Variants in SLC4A10 observed in about 807,000 individuals in gnomAD.
SLC4A10 encodes sodium-driven chloride bicarbonate exchanger.
Under a neutral mutation model 137.7 loss-of-function variants are expected in SLC4A10, and 42 were observed. The observed-to-expected ratio is 0.30, with a 90% CI of 0.24 to 0.39. The LOEUF is 0.39. Among genes scored for constraint, SLC4A10 ranks in the 10% least tolerant of loss-of-function variants. The probability of loss-of-function intolerance (pLI) is 1.00; values close to 1 mark genes in which losing one functional copy is unlikely to be tolerated. For missense variants in SLC4A10, 925 were observed against 1,355.0 expected (o/e 0.68, Z 4.98); for synonymous variants, 474 against 464.1 (o/e 1.02, Z -0.27).
chr2:161,654,197 C>A (rs1374143173), intron 1 of SLC4A10, among the ~76,000 whole-genome samples: 1 of 152,162 alleles, frequency 6.6e-6, no homozygotes, highest in African/African-American at 2.4e-5. Context: ...AGTACCTCTT[C>A]AAGTCTTTAG....
intron 1 of SLC4A10, among the ~76,000 whole-genome samples, chr2:161,756,488 G>C (rs567479336): frequency 3.9e-5 from 6 of 152,182 alleles, no homozygotes; most frequent in African/African-American, 1.4e-4. Context: ...GTAATTTCTT[G>C]CTCATACTAC....
At chr2:161,779,783 G>T (rs1027688788) in intron 2 of SLC4A10, among the ~76,000 whole-genome samples, 11 of 151,832 alleles carry the variant, frequency 7.2e-5, no homozygotes, top group Non-Finnish European at 1.5e-4. Flanking sequence ...TGGCCTTTGA[G>T]CTAAGAATAA....
At chr2:161,919,902 C>A (rs1327759703) in intron 15 of SLC4A10, among the ~76,000 whole-genome samples, 1 of 152,192 alleles carries the variant, frequency 6.6e-6, no homozygotes, top group African/African-American at 2.4e-5. Context: ...CTCTTTGGGG[C>A]TCTGCAGTTC....
At chr2:161,972,643 G>T (rs1157008098) in intron 23 of SLC4A10, among the ~76,000 whole-genome samples, 1 of 152,184 alleles carries the variant, frequency 6.6e-6, no homozygotes, top group Non-Finnish European at 1.5e-5. Context: ...GAATGCAAAA[G>T]GGTAATGTAC....
intron 1 of SLC4A10, among the ~76,000 whole-genome samples, chr2:161,720,653 G>A (rs976391400): frequency 2.0e-5 from 3 of 151,816 alleles, no homozygotes; most frequent in South Asian, 2.1e-4. Flanking sequence ...TGTCTTTTTC[G>A]ATCTTTGTTG....
chr2:161,886,671 T>A (rs2062325156), intron 10 of SLC4A10, among the ~76,000 whole-genome samples: 1 of 152,188 alleles, frequency 6.6e-6, no homozygotes, highest in Non-Finnish European at 1.5e-5. Flanking sequence ...CTCTGAGATT[T>A]TTTTTAATTG....
At chr2:161,970,177 A>T (rs909439177) in intron 23 of SLC4A10, among the ~76,000 whole-genome samples, 13 of 152,224 alleles carry the variant, frequency 8.5e-5, no homozygotes, top group Non-Finnish European at 1.3e-4. Flanking sequence ...ATACTCTATC[A>T]GAATTTTTTA....
chr2:161,689,366 A>G (rs1391689108), intron 1 of SLC4A10, among the ~76,000 whole-genome samples: 2 of 152,122 alleles, frequency 1.3e-5, no homozygotes, highest in African/African-American at 4.8e-5. Flanking sequence ...CATTTTTTAT[A>G]TCATATTTTT....
intron 1 of SLC4A10, among the ~76,000 whole-genome samples, chr2:161,725,928 T>C (rs1360554499): frequency 6.6e-6 from 1 of 152,242 alleles, no homozygotes; most frequent in Non-Finnish European, 1.5e-5. Context: ...ATTTACCATG[T>C]ATAACATTTA....
At chr2:161,979,973 C>T (rs919769487) in intron 26 of SLC4A10, among the ~76,000 whole-genome samples, 11 of 152,142 alleles carry the variant, frequency 7.2e-5, no homozygotes, top group Non-Finnish European at 1.0e-4. Flanking sequence ...TAAGAACTAA[C>T]GGCAAATTCT....
At chr2:161,849,998 G>A (rs949921171) in intron 4 of SLC4A10, among the ~76,000 whole-genome samples, 1 of 151,012 alleles carries the variant, frequency 6.6e-6, no homozygotes. Context: ...GAATTTGGCT[G>A]TGACTCCATC....
intron 15 of SLC4A10, among the ~76,000 whole-genome samples, chr2:161,935,240 T>A (rs1691366457): frequency 6.6e-6 from 1 of 152,178 alleles, no homozygotes; most frequent in Non-Finnish European, 1.5e-5. Flanking sequence ...TTCACTGGCC[T>A]CTGTGTCTAT....
intron 5 of SLC4A10, among the ~76,000 whole-genome samples, chr2:161,861,797 T>A (rs913576776): frequency 6.6e-6 from 1 of 152,176 alleles, no homozygotes; most frequent in Non-Finnish European, 1.5e-5. Context: ...ATAAGGACAC[T>A]TAGGTTATTC....
At chr2:161,690,915 A>G (rs1427071181) in intron 1 of SLC4A10, among the ~76,000 whole-genome samples, 1 of 152,158 alleles carries the variant, frequency 6.6e-6, no homozygotes, top group Non-Finnish European at 1.5e-5. Context: ...ACAAACCTGC[A>G]TGTCCTGTAC....
At chr2:161,868,018 T>C (rs1248580058) in intron 6 of SLC4A10, among the ~76,000 whole-genome samples, 5 of 151,894 alleles carry the variant, frequency 3.3e-5, no homozygotes, top group Non-Finnish European at 7.4e-5. Context: ...TTCCTTCTAG[T>C]GCACGTGATT....
chr2:161,823,627 A>G (rs1192416021), intron 3 of SLC4A10, among the ~76,000 whole-genome samples: 1 of 152,262 alleles, frequency 6.6e-6, no homozygotes, highest in Non-Finnish European at 1.5e-5. Flanking sequence ...CATGTACTGC[A>G]GATTGAGGTT....
intron 5 of SLC4A10, among the ~76,000 whole-genome samples, chr2:161,860,790 C>T (rs2060391539): frequency 6.6e-6 from 1 of 152,112 alleles, no homozygotes; most frequent in Non-Finnish European, 1.5e-5. Flanking sequence ...TTCTTTCTAC[C>T]TCTTTCCATT....
intron 1 of SLC4A10, among the ~76,000 whole-genome samples, chr2:161,752,142 T>C (rs2049047856): frequency 6.6e-6 from 1 of 151,980 alleles, no homozygotes; most frequent in African/African-American, 2.4e-5. Flanking sequence ...TTAGTTAATT[T>C]CCAAAAAGGA....
chr2:161,908,163 A>C (rs1224126048), intron 15 of SLC4A10, among the ~76,000 whole-genome samples: 1 of 152,146 alleles, frequency 6.6e-6, no homozygotes, highest in Non-Finnish European at 1.5e-5. Context: ...AGAAAGAAGC[A>C]TCAGAAAAAG....
Sources: gnomAD v4.1 joint callset for allele counts (sites outside exome capture counted in the v4.1 genomes callset) on GRCh38, gnomAD v4.1.1 for gene constraint, MANE v1.5 for transcripts, NCBI Gene and HGNC (gene_info 2026-07-23, HGNC 2026-07-21) for gene names.